Variants in CAMK2G observed in about 807,000 individuals in gnomAD.
CAMK2G encodes the protein calcium/calmodulin-dependent protein kinase type II subunit gamma.
CAMK2G carries 23 observed loss-of-function variants against 88.7 expected under a neutral mutation model. The observed-to-expected ratio is 0.26, with a 90% CI of 0.19 to 0.37. The LOEUF is 0.37. CAMK2G is among the 10% of genes least tolerant of loss of function. The pLI, the probability that CAMK2G is intolerant of heterozygous loss-of-function variation, is 1.00. For synonymous variants in CAMK2G, 263 were observed against 294.8 expected, an observed-to-expected ratio of 0.89 and a Z score of 1.11; for missense variants, 476 against 780.8, an observed-to-expected ratio of 0.61 and a Z score of 4.65.
chr10:73,869,030 T>C (rs2095703334), intron 2 of CAMK2G, among the ~76,000 whole-genome samples: 1 of 152,112 alleles, frequency 6.6e-6, no homozygotes, highest in Non-Finnish European at 1.5e-5. Flanking sequence ...AGACACACAA[T>C]CTGGAGAAGG....
intron 10 of CAMK2G, chr10:73,846,401 C>G (rs777207900): frequency 6.6e-6 from 1 of 152,226 alleles, no homozygotes; most frequent in Non-Finnish European, 1.5e-5. Flanking sequence ...CTCCGTGCAG[C>G]CTTCAGTAAC....
intron 3 of CAMK2G, among the ~76,000 whole-genome samples, chr10:73,857,166 T>C (rs2095097070): frequency 6.6e-6 from 1 of 152,196 alleles, no homozygotes; most frequent in Non-Finnish European, 1.5e-5. Context: ...CACTTACTGT[T>C]AGCTGAATGG....
intron 10 of CAMK2G, among the ~76,000 whole-genome samples, chr10:73,844,301 G>A (rs928224286): frequency 6.6e-6 from 1 of 151,698 alleles, no homozygotes. Context: ...ATGTTGCCCA[G>A]GCTGGTCTCA....
chr10:73,852,440 C>A, intron 4 of CAMK2G, 121 bp from the exon 5 acceptor site: 1 of 753,248 alleles, frequency 1.3e-6, no homozygotes, highest in Non-Finnish European at 2.3e-6. Flanking sequence ...ACTCCCCATG[C>A]ATTTCATCTG....
chr10:73,820,847 T>C (rs1369750356), intron 18 of CAMK2G, among the ~76,000 whole-genome samples: 1 of 151,928 alleles, frequency 6.6e-6, no homozygotes, highest in African/African-American at 2.4e-5. Flanking sequence ...TAATTTTTTA[T>C]ATTTTTAGTA....
intron 15 of CAMK2G, 150 bp downstream of exon 15, chr10:73,827,939 C>T (rs946741759): frequency 9.4e-6 from 7 of 745,596 alleles, no homozygotes; most frequent in Admixed American, 3.7e-5. Context: ...CAATGGCCCC[C>T]GCCTGGCAGG....
At chr10:73,853,894 G>A (rs917294506) in intron 3 of CAMK2G, among the ~76,000 whole-genome samples, 2 of 152,198 alleles carry the variant, frequency 1.3e-5, no homozygotes, top group South Asian at 2.1e-4. Context: ...TGGACCCCAC[G>A]CTAGGCAGCG....
In CAMK2G at chr10:73,839,469, G is replaced by T; in HGVS notation, c.1009+70C>A. 1 of 888,278 alleles carries T rather than the reference G, an allele frequency of 1.1e-6. No individual in the cohort carries two copies. Among genetic ancestry groups the T allele is most frequent in the African/African-American group, 1.7e-5 (1 of 57,980 alleles). The allele number at this position is 888,278 out of a possible 1,614,324, so 55.0% of individuals were successfully genotyped here. ...CTCGCCTCCCTGGTGAGTGGGCCCG[G>T]CATGCTGGCCCTCCTGGTGGGGTGG... On this transcript the variant is annotated intron_variant, in intron 13 of 22. Coordinates refer to ENST00000423381, the MANE Select transcript of CAMK2G (RefSeq NM_001367534.1). The surrounding 1 kb of genome is among the most constrained non-coding windows in gnomAD (Gnocchi z 4.2).
intron 21 of CAMK2G, 127 bp downstream of exon 21, chr10:73,816,896 A>G (rs779720085): frequency 6.2e-7 from 1 of 1,609,658 alleles, no homozygotes; most frequent in South Asian, 1.1e-5. Context: ...AAGCATACAG[A>G]GTAGGAGTGC....
chr10:73,848,651 C>A lies in CAMK2G; in HGVS notation c.518-42G>T. On this transcript the variant is annotated intron_variant, in intron 7 of 22. Coordinates refer to ENST00000423381, the MANE Select transcript of CAMK2G (RefSeq NM_001367534.1). This position sits in a 1 kb window ranked among gnomAD's most constrained non-coding sequence, Gnocchi z 4.5. Reference sequence around the variant, plus strand: ...GGCAGAGGCATACTGAACCCACTTTCTCTCTCGTTAAATCCACACCAGCCA... The same window carrying A: ...GGCAGAGGCATACTGAACCCACTTTATCTCTCGTTAAATCCACACCAGCCA... The A allele has an allele frequency of 8.6e-7, 1 of 1,166,050 alleles. No individual in the cohort carries two copies. The highest frequency in any genetic ancestry group is 1.3e-5 in the South Asian group (1 of 76,720). 72.2% of individuals were successfully genotyped at this position (1,166,050 alleles called of 1,614,324 possible).
At chr10:73,853,989 C>G (rs570742520) in intron 3 of CAMK2G, among the ~76,000 whole-genome samples, 1 of 152,292 alleles carries the variant, frequency 6.6e-6, no homozygotes, top group East Asian at 1.9e-4. Context: ...TATTCCCATT[C>G]TACAGATGAG....
chr10:73,827,744 T>C lies in CAMK2G; in HGVS notation c.1086+345A>G, dbSNP rs148815712. On this transcript the variant is annotated intron_variant, in intron 15 of 22. Coordinates refer to ENST00000423381, the MANE Select transcript of CAMK2G (RefSeq NM_001367534.1). ...CCAGTCTGTAGGAAGCAGCTCCTCATGCCTGGGAAGCAGGGCCTCTCCTTC... is the reference window on the plus strand; with the variant it reads ...CCAGTCTGTAGGAAGCAGCTCCTCACGCCTGGGAAGCAGGGCCTCTCCTTC... Among the ~76,000 whole-genome samples, 525 of 152,324 alleles carry C rather than the reference T, an allele frequency of 3.4e-3. 2 individuals are homozygous for C. Among genetic ancestry groups the C allele is most frequent in the Non-Finnish European group, 6.1e-3 (416 of 68,026 alleles).
chr10:73,853,215 C>T lies in CAMK2G; in HGVS notation c.252G>A (p.Gly84=), dbSNP rs772859317. Residue 84 remains glycine, a synonymous_variant, in exon 4 of 23, where the codon GGG becomes GGA. Transcript: ENST00000423381. ...VRLHDSISEE[G]FHYLVFDLVT... is the part of the protein sequence containing the mutation. Reference sequence around the variant, plus strand: ...ACAGGTCAAACACGAGGTAGTGAAACCCTTCTTCAGAAATACTGTCATGGA... The same window carrying T: ...ACAGGTCAAACACGAGGTAGTGAAATCCTTCTTCAGAAATACTGTCATGGA... 3.5e-5 allele frequency: 56 copies of T among 1,614,076 alleles called. No individual in the cohort carries two copies. The highest frequency in any genetic ancestry group is 3.4e-6 in the Non-Finnish European group (4 of 1,179,986).
At chr10:73,872,335 C>CG (rs2095863266) in intron 2 of CAMK2G, among the ~76,000 whole-genome samples, 1 of 152,246 alleles carries the variant, frequency 6.6e-6, no homozygotes, top group Admixed American at 6.5e-5. Flanking sequence ...CTGCCCAAAC[C>CG]GGGCCTTTGG....
intron 3 of CAMK2G, among the ~76,000 whole-genome samples, chr10:73,855,995 A>T (rs1206465560): frequency 1.3e-5 from 2 of 151,916 alleles, no homozygotes; most frequent in Non-Finnish European, 2.9e-5. Context: ...GCTGGGCTGG[A>T]GATCCTGGTC....
chr10:73,867,452 C>A (rs944516835), intron 2 of CAMK2G, among the ~76,000 whole-genome samples: 2 of 152,188 alleles, frequency 1.3e-5, no homozygotes, highest in African/African-American at 4.8e-5. Flanking sequence ...GTTTTGGTGA[C>A]ATTTCCTTCA....
intron 13 of CAMK2G, among the ~76,000 whole-genome samples, chr10:73,838,322 T>C (rs2093446217): frequency 6.6e-6 from 1 of 152,214 alleles, no homozygotes. Context: ...CTGATACACC[T>C]GGACTGCCTG....
Position 73,855,337 on chromosome 10 carries a change from C to T in CAMK2G, c.221-2091G>A, listed in dbSNP as rs557779796. Among the ~76,000 whole-genome samples, 106 of 152,284 alleles carry T rather than the reference C, an allele frequency of 7.0e-4. 1 individual carries two copies. The highest frequency in any genetic ancestry group is 2.3e-3 in the African/African-American group (96 of 41,542). The stretch of plus-strand genomic sequence containing the variant: ...ATTAAAGTGTGTAATACAAATAATC[C>T]CCTGGAAATCAGCTGTCCCAGAAGC... On this transcript the variant is annotated intron_variant, in intron 3 of 22. Transcript: ENST00000423381.
At chr10:73,847,074 G>A in intron 10 of CAMK2G, 151 bp downstream of exon 10, 1 of 706,540 alleles carries the variant, frequency 1.4e-6, no homozygotes, top group Non-Finnish European at 2.4e-6. Context: ...GACATTTATT[G>A]ACCCTGGCCC....
Sources: gnomAD v4.1 joint callset for allele counts (sites outside exome capture counted in the v4.1 genomes callset) on GRCh38, gnomAD v4.1.1 for gene constraint, Gnocchi (gnomAD v3.1) non-coding constraint, MANE v1.5 for transcripts, NCBI Gene and HGNC (gene_info 2026-07-23, HGNC 2026-07-21) for gene names.